MFSD6: variants seen among roughly 807,000 people sequenced by gnomAD.
MFSD6 encodes the protein major facilitator superfamily domain containing 6.
Under a neutral mutation model 56.3 loss-of-function variants are expected in MFSD6, and 26 were observed. The ratio of observed to expected loss-of-function variants is 0.46; its 90% confidence interval spans 0.34 to 0.64. The LOEUF (loss-of-function observed/expected upper bound fraction) is 0.64, where lower values mean the gene tolerates loss of function less well. Among genes scored for constraint, MFSD6 ranks in the 30% least tolerant of loss-of-function variants. MFSD6 has a pLI of 0.01. For synonymous variants in MFSD6, 331 were observed against 366.9 expected, an observed-to-expected ratio of 0.90 and a Z score of 1.12; for missense variants, 750 against 986.2, an observed-to-expected ratio of 0.76 and a Z score of 3.21.
chr2:190,411,680 G>A (rs1690572645), intron 1 of MFSD6: 1 of 985,162 alleles, frequency 1.0e-6, no homozygotes, highest in Non-Finnish European at 1.2e-6. Context: ...CTAATGTTAG[G>A]GAAGTGAAAT....
rs1686630836 is a variant in MFSD6, at chr2:190,447,572, C to T, written c.1532+10011C>T. ...CATTAAAAAATAAATTGCTTATATACTTCTTAGTGCCACGTTTTAGGCATT... is the reference window on the plus strand; with the variant it reads ...CATTAAAAAATAAATTGCTTATATATTTCTTAGTGCCACGTTTTAGGCATT... On this transcript the variant is annotated intron_variant, in intron 3 of 7. Transcript: ENST00000392328. This position sits in a 1 kb window ranked among gnomAD's most constrained non-coding sequence, Gnocchi z 4.5. Among the ~76,000 whole-genome samples, 1 of 152,186 alleles carries T rather than the reference C, an allele frequency of 6.6e-6. No homozygotes were observed. The highest frequency in any genetic ancestry group is 2.4e-5 in the African/African-American group (1 of 41,434).
intron 3 of MFSD6, chr2:190,444,772 C>CT (rs1325702433): frequency 3.9e-6 from 1 of 254,300 alleles, no homozygotes; most frequent in African/African-American, 2.3e-5. Flanking sequence ...AGTTTTGAAA[C>CT]TGAGTATTAG....
chr2:190,450,488 C>T (rs1389913168), intron 3 of MFSD6, among the ~76,000 whole-genome samples: 14 of 97,260 alleles, frequency 1.4e-4, no homozygotes, highest in Admixed American at 4.3e-4. Context: ...TCTCTTTTTC[C>T]TTTTTTTTTT....
Position 190,501,796 on chromosome 2 carries a change from C to T in MFSD6, c.*1578C>T, listed in dbSNP as rs1690036912. On this transcript the variant is annotated 3_prime_UTR_variant, in exon 8 of 8. Coordinates refer to ENST00000392328, the MANE Select transcript of MFSD6 (RefSeq NM_017694.4). ...ATTCAGCAAATAGTTATTTTTTGCACTTGAACTGAAACGTACTGTACTGTA... is the reference window on the plus strand; with the variant it reads ...ATTCAGCAAATAGTTATTTTTTGCATTTGAACTGAAACGTACTGTACTGTA... 1 of 152,604 alleles carries T rather than the reference C, an allele frequency of 6.6e-6. No homozygotes were observed. The highest frequency in any genetic ancestry group is 2.4e-5 in the African/African-American group (1 of 41,428). The allele number at this position is 152,604 out of a possible 1,614,324, so 9.5% of individuals were successfully genotyped here.
At chr2:190,477,277 G>A in intron 4 of MFSD6, 2 of 984,464 alleles carry the variant, frequency 2.0e-6, no homozygotes, top group Non-Finnish European at 2.4e-6. Context: ...ATGCAACACA[G>A]TTCTTAGGAT....
In MFSD6 at chr2:190,462,161, T is replaced by C. The variant is rs535386488; in HGVS notation, c.1533-7597T>C. 6.6e-6 allele frequency among the ~76,000 whole-genome samples: 1 copy of C among 152,280 alleles called. No homozygotes were observed. Among genetic ancestry groups the C allele is most frequent in the South Asian group, 2.1e-4 (1 of 4,822 alleles). On this transcript the variant is annotated intron_variant, in intron 3 of 7. Transcript: ENST00000392328. The surrounding 1 kb of genome is among the most constrained non-coding windows in gnomAD (Gnocchi z 5.7). Reference sequence around the variant, plus strand: ...TTTTTGTATTAATATAATGTGAATATGGATATGAATTGATTCCATATTGAG... The same window carrying C: ...TTTTTGTATTAATATAATGTGAATACGGATATGAATTGATTCCATATTGAG...
intron 3 of MFSD6, among the ~76,000 whole-genome samples, chr2:190,446,549 A>C (rs1293380863): frequency 1.3e-5 from 2 of 152,210 alleles, no homozygotes; most frequent in African/African-American, 4.8e-5. Flanking sequence ...AGTTGGAAAA[A>C]AATTATCTGG....
Position 190,489,401 on chromosome 2 carries a change from T to C in MFSD6, c.1793-367T>C, listed in dbSNP as rs1365729414. ...GGAAATGCGTGCATTTATAGCACTA[T>C]TTGAGCACTGCTGTTCCAACTACAG... is the stretch of plus-strand genomic sequence containing the variant. On this transcript the variant is annotated intron_variant, in intron 5 of 7. Coordinates refer to ENST00000392328, the MANE Select transcript of MFSD6 (RefSeq NM_017694.4). This position sits in a 1 kb window ranked among gnomAD's most constrained non-coding sequence, Gnocchi z 6.6. Among the ~76,000 whole-genome samples, 1 of 152,220 alleles carries C rather than the reference T, an allele frequency of 6.6e-6. No homozygotes were observed. The highest frequency in any genetic ancestry group is 1.5e-5 in the Non-Finnish European group (1 of 68,032).
Position 190,500,307 on chromosome 2 carries a change from C to A in MFSD6, c.*89C>A. 10 of 1,389,984 alleles carry A rather than the reference C, an allele frequency of 7.2e-6. No homozygotes were observed. Among genetic ancestry groups the A allele is most frequent in the Non-Finnish European group, 1.0e-5 (10 of 995,606 alleles). 86.1% of individuals were successfully genotyped at this position (1,389,984 alleles called of 1,614,324 possible). On this transcript the variant is annotated 3_prime_UTR_variant, in exon 8 of 8. Coordinates refer to ENST00000392328, the MANE Select transcript of MFSD6 (RefSeq NM_017694.4). The surrounding 1 kb of genome is among the most constrained non-coding windows in gnomAD (Gnocchi z 5.3). ...GCCCCCCAGCCAGGATATGCCTCCC[C>A]TGGAGGAGCACAGCACTGCATATGC...
Position 190,418,250 on chromosome 2 carries a change from G to A in MFSD6, c.-54+2837G>A, listed in dbSNP as rs1559101707. Among the ~76,000 whole-genome samples, 2 of 152,256 alleles carry A rather than the reference G, an allele frequency of 1.3e-5. No homozygotes were observed. Among genetic ancestry groups the A allele is most frequent in the Middle Eastern group, 3.4e-3 (1 of 294 alleles). ...ATCATTTCCACCCCAGAGAACTGTT[G>A]TGAGTATTAAATGAGTTAATACATG... On this transcript the variant is annotated intron_variant, in intron 2 of 7. Coordinates refer to ENST00000392328, the MANE Select transcript of MFSD6 (RefSeq NM_017694.4). This position sits in a 1 kb window ranked among gnomAD's most constrained non-coding sequence, Gnocchi z 4.1.
rs905763180 is a variant in MFSD6, at chr2:190,463,883, C to T, written c.1533-5875C>T. ...AGAATGATGGAGCCCAATCTAAGGG[C>T]GCACCATATACTGTCTACCATACAG... is the stretch of plus-strand genomic sequence containing the variant. On this transcript the variant is annotated intron_variant, in intron 3 of 7. Transcript: ENST00000392328. This position sits in a 1 kb window ranked among gnomAD's most constrained non-coding sequence, Gnocchi z 4.4. 158 of 984,196 alleles carry T rather than the reference C, an allele frequency of 1.6e-4. No individual in the cohort carries two copies. The highest frequency in any genetic ancestry group is 1.8e-4 in the Non-Finnish European group (147 of 829,040). 61.0% of individuals were successfully genotyped at this position (984,196 alleles called of 1,614,324 possible). A position where few individuals can be genotyped will look rare whatever the true frequency, so the allele number is the denominator to read the frequency against.
chr2:190,445,468 A>AAAAAC (rs1553518916), intron 3 of MFSD6, among the ~76,000 whole-genome samples: 26 of 146,414 alleles, frequency 1.8e-4, no homozygotes, highest in African/African-American at 6.0e-4. Flanking sequence ...AAAAAAAAAA[A>AAAAAC]CCCCGACTAT....
Position 190,434,224 on chromosome 2 carries a change from T to C in MFSD6, c.-53-1753T>C, listed in dbSNP as rs1216724998. 6.7e-6 allele frequency among the ~76,000 whole-genome samples: 1 copy of C among 150,210 alleles called. No individual in the cohort carries two copies. Among genetic ancestry groups the C allele is most frequent in the Non-Finnish European group, 1.5e-5 (1 of 67,480 alleles). On this transcript the variant is annotated intron_variant, in intron 2 of 7. Transcript: ENST00000392328. This position sits in a 1 kb window ranked among gnomAD's most constrained non-coding sequence, Gnocchi z 4.3. ...AAAAAAGAAAAGAAGGTGAAAGGAATTAACACATATTTAATGTATATACTT... is the reference window on the plus strand; with the variant it reads ...AAAAAAGAAAAGAAGGTGAAAGGAACTAACACATATTTAATGTATATACTT...
intron 3 of MFSD6, among the ~76,000 whole-genome samples, chr2:190,460,817 T>G (rs771524538): frequency 6.6e-6 from 1 of 152,190 alleles, no homozygotes; most frequent in Non-Finnish European, 1.5e-5. Context: ...GTGGGAGGAC[T>G]GAGAGCTAGG....
In MFSD6 at chr2:190,474,233, A is replaced by G. The variant is rs1033158805; in HGVS notation, c.1630+4378A>G. Among the ~76,000 whole-genome samples the G allele has an allele frequency of 3.7e-4, 57 of 152,184 alleles. 2 individuals carry two copies. The highest frequency in any genetic ancestry group is 1.3e-3 in the African/African-American group (52 of 41,520). On this transcript the variant is annotated intron_variant, in intron 4 of 7. Transcript: ENST00000392328. ...CTAAGATCAGAGCAGAACTGAAGGA[A>G]ATAGAGACACAAAAAACCCTTCAAA...
At position 190,446,671 on chromosome 2, in the gene MFSD6, A is replaced by T; in HGVS notation, c.1532+9110A>T. ...CATGGACTACGAACTAGAAATTCCA[A>T]GTTGGCCAGAGATAGGGAATCTACA... On this transcript the variant is annotated intron_variant, in intron 3 of 7. Transcript: ENST00000392328. Among the ~76,000 whole-genome samples, 2 of 152,212 alleles carry T rather than the reference A, an allele frequency of 1.3e-5. 1 individual carries two copies. Among genetic ancestry groups the T allele is most frequent in the East Asian group, 3.8e-4 (2 of 5,198 alleles).
chr2:190,432,881 C>A (rs1453469772), intron 2 of MFSD6, among the ~76,000 whole-genome samples: 1 of 143,304 alleles, frequency 7.0e-6, no homozygotes, highest in Non-Finnish European at 1.5e-5. Context: ...CTCACACATA[C>A]ACTCTTTCTC....
chr2:190,446,030 G>T (rs921829728), intron 3 of MFSD6, among the ~76,000 whole-genome samples: 6 of 152,044 alleles, frequency 3.9e-5, no homozygotes, highest in Non-Finnish European at 7.4e-5. Flanking sequence ...CAATCAAAGG[G>T]CATGAATTTT....
At chr2:190,479,264 A>G (rs979511967) in intron 4 of MFSD6, among the ~76,000 whole-genome samples, 2 of 152,208 alleles carry the variant, frequency 1.3e-5, no homozygotes, top group South Asian at 2.1e-4. Context: ...TCTTGCAGCT[A>G]TATCTTTTTA....
Sources: gnomAD v4.1 joint callset for allele counts (sites outside exome capture counted in the v4.1 genomes callset) on GRCh38, gnomAD v4.1.1 for gene constraint, Gnocchi (gnomAD v3.1) non-coding constraint, MANE v1.5 for transcripts, NCBI Gene and HGNC (gene_info 2026-07-23, HGNC 2026-07-21) for gene names.